ADGRL4: variants seen among roughly 807,000 people sequenced by gnomAD.
ADGRL4 encodes EGF, latrophilin and seven transmembrane domain containing 1.
ADGRL4 carries 90 observed loss-of-function variants against 74.8 expected under a neutral mutation model. The observed-to-expected ratio is 1.20, with a 90% CI of 1.02 to 1.43. The LOEUF is 1.43. Ranked by LOEUF, ADGRL4 falls within the 40% of genes most tolerant of loss-of-function variation. The pLI, the probability that ADGRL4 is intolerant of heterozygous loss-of-function variation, is 0.00. For missense variants in ADGRL4, 881 were observed against 814.3 expected, an observed-to-expected ratio of 1.08 and a Z score of -1.00; for synonymous variants, 311 against 279.2, an observed-to-expected ratio of 1.11 and a Z score of -1.14.
chr1:78,926,760 A>T, intron 8 of ADGRL4, 126 bp downstream of exon 8: 1 of 681,834 alleles, frequency 1.5e-6, no homozygotes, highest in Non-Finnish European at 2.4e-6. Flanking sequence ...AAACTACTTC[A>T]CTCTTTTAAT....
chr1:78,960,770 T>C (rs1273229758), intron 2 of ADGRL4, among the ~76,000 whole-genome samples: 3 of 152,136 alleles, frequency 2.0e-5, no homozygotes, highest in Admixed American at 6.5e-5. Flanking sequence ...AGAACTCATT[T>C]ACCCCTTCCA....
At chr1:78,963,866 C>T (rs996296909) in intron 2 of ADGRL4, among the ~76,000 whole-genome samples, 2 of 152,124 alleles carry the variant, frequency 1.3e-5, no homozygotes, top group African/African-American at 4.8e-5. Context: ...AAGATTGTTG[C>T]TGTTCAAAAA....
chr1:78,914,919 T>C (rs1008209474), intron 12 of ADGRL4, among the ~76,000 whole-genome samples: 4 of 151,852 alleles, frequency 2.6e-5, no homozygotes, highest in African/African-American at 7.2e-5. Context: ...CCATTGCTAG[T>C]TGTGGCTTAA....
rs1649384325 is a variant in ADGRL4 at position 78,937,736 on chromosome 1, C to G, written c.760+71G>C. ...CTAGTTTCAACACCATGCCTCCTAA[C>G]CCCACCCAAAACTTTGAAAATGGCT... On this transcript the variant is annotated intron_variant, in intron 6 of 14. Transcript: ENST00000370742. 3.0e-5 allele frequency: 43 copies of G among 1,441,844 alleles called. 2 individuals carry two copies. The South Asian group carries it at 5.3e-4, about 18-fold the overall frequency. 89.3% of individuals were successfully genotyped at this position (1,441,844 alleles called of 1,614,324 possible).
At chr1:78,911,766 C>A (rs1268967492) in intron 12 of ADGRL4, among the ~76,000 whole-genome samples, 1 of 151,678 alleles carries the variant, frequency 6.6e-6, no homozygotes, top group African/African-American at 2.4e-5. Context: ...AGATTATCCT[C>A]CAGAATGTTG....
Position 78,928,147 on chromosome 1 carries a change from G to A in ADGRL4, c.878-1056C>T, listed in dbSNP as rs559689567. ...CATCTCAGGAGTTGTAGTAGAAGAT[G>A]GTTCAAAATCAAATGATGAATCAAA... On this transcript the variant is annotated intron_variant, in intron 7 of 14. Transcript: ENST00000370742. Among the ~76,000 whole-genome samples, 114 of 151,286 alleles carry A rather than the reference G, an allele frequency of 7.5e-4. 1 individual carries two copies. Among genetic ancestry groups the A allele is most frequent in the Non-Finnish European group, 1.2e-3 (82 of 67,998 alleles).
At chr1:78,968,134 C>T (rs1480620805) in intron 2 of ADGRL4, among the ~76,000 whole-genome samples, 1 of 152,024 alleles carries the variant, frequency 6.6e-6, no homozygotes, top group Non-Finnish European at 1.5e-5. Context: ...TTCTAAGATT[C>T]TAATGTCTGA....
intron 2 of ADGRL4, among the ~76,000 whole-genome samples, chr1:78,963,603 T>C (rs925192349): frequency 1.5e-4 from 23 of 152,344 alleles, no homozygotes; most frequent in African/African-American, 5.0e-4. Flanking sequence ...CATTTGTTTA[T>C]ATTTTAAGAC....
Position 78,959,015 on chromosome 1 carries a change from T to C in ADGRL4, c.173-12589A>G, listed in dbSNP as rs945691143. Among the ~76,000 whole-genome samples the C allele has an allele frequency of 2.6e-5, 4 of 152,208 alleles. No homozygotes were observed. The South Asian group carries it at 6.2e-4, about 24-fold the overall frequency. ...GAAGGTTCAGATAATTGGTGGCATT[T>C]TTCAGCAACAAAGTATTTTAAATTA... On this transcript the variant is annotated intron_variant, in intron 2 of 14. Coordinates refer to ENST00000370742, the MANE Select transcript of ADGRL4 (RefSeq NM_022159.4).
intron 12 of ADGRL4, among the ~76,000 whole-genome samples, chr1:78,896,760 A>G (rs1042237356): frequency 1.3e-5 from 2 of 152,212 alleles, no homozygotes; most frequent in Middle Eastern, 3.4e-3. Context: ...GAATCCTCCA[A>G]TGGCTTCCTA....
intron 2 of ADGRL4, among the ~76,000 whole-genome samples, chr1:78,970,010 A>G (rs1650138633): frequency 6.6e-6 from 1 of 152,194 alleles, no homozygotes; most frequent in Non-Finnish European, 1.5e-5. Context: ...AGTAAAACCA[A>G]GGGAGCTAAC....
chr1:78,899,541 G>A (rs746757597), intron 12 of ADGRL4, among the ~76,000 whole-genome samples: 31 of 152,110 alleles, frequency 2.0e-4, no homozygotes, highest in Non-Finnish European at 3.7e-4. Context: ...TTTAAGTAGA[G>A]ATGGGGTTTC....
chr1:78,954,079 G>A (rs1036911072), intron 2 of ADGRL4, among the ~76,000 whole-genome samples: 12 of 152,150 alleles, frequency 7.9e-5, no homozygotes, highest in African/African-American at 2.7e-4. Context: ...CTGGGAGGTG[G>A]AGGTTGCAGT....
chr1:78,998,597 A>G (rs1284770792), intron 2 of ADGRL4, among the ~76,000 whole-genome samples: 19 of 151,994 alleles, frequency 1.3e-4, no homozygotes, highest in Admixed American at 9.8e-4. Context: ...CGCTATCTCG[A>G]CATGGTGACC....
chr1:78,990,817 C>T (rs1318521838), intron 2 of ADGRL4, among the ~76,000 whole-genome samples: 2 of 151,876 alleles, frequency 1.3e-5, no homozygotes, highest in Non-Finnish European at 2.9e-5. Context: ...AAAAAATATT[C>T]TCAATAGGTT....
intron 1 of ADGRL4, 45 bp from the exon 2 acceptor site, chr1:79,005,264 C>A: frequency 7.2e-7 from 1 of 1,390,288 alleles, no homozygotes; most frequent in Non-Finnish European, 9.9e-7. Flanking sequence ...GTAAAACAAA[C>A]ATCTCTCCCC....
chr1:78,955,101 C>G (rs1649802077), intron 2 of ADGRL4, among the ~76,000 whole-genome samples: 1 of 152,058 alleles, frequency 6.6e-6, no homozygotes, highest in Non-Finnish European at 1.5e-5. Flanking sequence ...GCATATTTCT[C>G]AATTCCTTTG....
intron 2 of ADGRL4, among the ~76,000 whole-genome samples, chr1:78,977,009 G>A (rs1345296956): frequency 5.3e-5 from 8 of 151,670 alleles, no homozygotes; most frequent in Non-Finnish European, 5.9e-5. Context: ...AACACAGAGG[G>A]AAGAATCCTA....
At chr1:78,933,407 C>T (rs1193420124) in intron 7 of ADGRL4, among the ~76,000 whole-genome samples, 2 of 151,356 alleles carry the variant, frequency 1.3e-5, no homozygotes, top group African/African-American at 4.9e-5. Context: ...TATCAACAAA[C>T]TTGATACTGA....
Sources: allele counts gnomAD v4.1 joint callset (sites outside exome capture counted in the v4.1 genomes callset), GRCh38; gene constraint gnomAD v4.1.1; transcripts MANE v1.5; gene names NCBI Gene and HGNC (gene_info 2026-07-23, HGNC 2026-07-21).